Variants in DNAH5 observed in about 807,000 individuals in gnomAD.
The protein encoded by DNAH5 is dynein axonemal heavy chain 5.
Under a neutral mutation model 518.2 loss-of-function variants are expected in DNAH5, and 372 were observed. The ratio of observed to expected loss-of-function variants is 0.72; its 90% CI spans 0.66 to 0.78. The LOEUF (loss-of-function observed/expected upper bound fraction) is 0.78, where lower values mean the gene tolerates loss of function less well. Ranked by LOEUF, DNAH5 falls within the 30% of genes least tolerant of loss-of-function variation. The pLI is 0.00. For synonymous variants in DNAH5, 2,039 were observed against 2,025.9 expected (o/e 1.01, Z -0.17); for missense variants, 5,523 against 5,687.0 (o/e 0.97, Z 0.93).
rs747134638 is a variant in DNAH5 at position 13,719,041 on chromosome 5, C to T, written c.12340G>A (p.Asp4114Asn). The part of the protein sequence containing the change: ...LGLDFMDELM[D>N]IIIETELVHD... ...ACAAGCTCAGTTTCTATGATTATGT[C>T]CATCAGCTCATCCATGAAATCAAGT... The change falls in exon 72 of 79, where the codon GAC (aspartate) becomes AAC (asparagine). Residue 4114 changes from aspartate (D) to asparagine (N), a missense_variant. Physicochemically the swap from Asp to Asn is conservative, Grantham distance 23 (BLOSUM62 1). Transcript: ENST00000265104. 1.5e-5 allele frequency: 24 copies of T among 1,613,928 alleles called. No homozygotes were observed. Among genetic ancestry groups the T allele is most frequent in the Non-Finnish European group, 1.9e-5 (23 of 1,179,996 alleles).
rs772347310 is a variant in DNAH5, at chr5:13,753,219, A to G, written c.10872+14T>C. 2 of 1,605,944 alleles carry G rather than the reference A, an allele frequency of 1.2e-6. No homozygotes were observed. Among genetic ancestry groups the G allele is most frequent in the Non-Finnish European group, 1.7e-6 (2 of 1,172,794 alleles). ...ACTTAACCGGTAGCATAAACATACT[A>G]AAACACAAATTACCTGGAGTTCATT... On this transcript the variant is annotated intron_variant, in intron 63 of 78. Transcript: ENST00000265104.
intron 56 of DNAH5, 79 bp from the exon 57 acceptor site, chr5:13,769,694 A>T: frequency 8.4e-7 from 1 of 1,193,976 alleles, no homozygotes; most frequent in Non-Finnish European, 1.2e-6. Context: ...TCCAATAATG[A>T]GTGGTAATGG....
Position 13,741,262 on chromosome 5 carries a change from G to A in DNAH5, c.11212-3767C>T, listed in dbSNP as rs145585800. Among the ~76,000 whole-genome samples the A allele has an allele frequency of 4.0e-3, 613 of 152,268 alleles. 3 individuals are homozygous for A. Among genetic ancestry groups the A allele is most frequent in the African/African-American group, 0.014 (582 of 41,566 alleles). On this transcript the variant is annotated intron_variant, in intron 65 of 78. Transcript: ENST00000265104. ...ACCACTGATTGAATGGTTATAGTTG[G>A]TAAGACCCCACCAGACTCACAACTC...
intron 42 of DNAH5, among the ~76,000 whole-genome samples, chr5:13,816,836 A>G (rs1761515691): frequency 6.6e-6 from 1 of 152,182 alleles, no homozygotes; most frequent in Non-Finnish European, 1.5e-5. Flanking sequence ...AGGAAGCCCA[A>G]ATATCTCCTC....
At chr5:13,849,131 T>A (rs1351218854) in intron 31 of DNAH5, among the ~76,000 whole-genome samples, 2 of 152,238 alleles carry the variant, frequency 1.3e-5, no homozygotes, top group Non-Finnish European at 2.9e-5. Flanking sequence ...TTTAGACTCT[T>A]CAACTTTCCT....
intron 70 of DNAH5, among the ~76,000 whole-genome samples, chr5:13,725,571 T>C (rs1208002621): frequency 6.6e-6 from 1 of 152,170 alleles, no homozygotes; most frequent in African/African-American, 2.4e-5. Context: ...TTCATCCCAA[T>C]ATGTGGTCCC....
intron 13 of DNAH5, among the ~76,000 whole-genome samples, 199 bp downstream of exon 13, chr5:13,901,854 A>G (rs1561537339): frequency 6.6e-6 from 1 of 152,164 alleles, no homozygotes; most frequent in Non-Finnish European, 1.5e-5. Context: ...AGTATTCTCT[A>G]TTTGTAGAAA....
chr5:13,800,046 G>A (rs1039526933), intron 47 of DNAH5, among the ~76,000 whole-genome samples: 5 of 152,278 alleles, frequency 3.3e-5, no homozygotes, highest in African/African-American at 1.2e-4. Flanking sequence ...CTGGTAGTGT[G>A]CTGAAAAGAT....
chr5:13,824,383 C>G, intron 38 of DNAH5, 50 bp from the exon 39 acceptor site: 2 of 1,569,066 alleles, frequency 1.3e-6, no homozygotes, highest in South Asian at 2.2e-5. Context: ...AAAATACTTG[C>G]AGAAGCCATA....
At chr5:13,735,705 T>C in intron 67 of DNAH5, 113 bp downstream of exon 67, 1 of 922,630 alleles carries the variant, frequency 1.1e-6, no homozygotes, top group East Asian at 2.4e-5. Flanking sequence ...TGATCTGAGA[T>C]TTAAAAAAGA....
At chr5:13,996,004 A>C (rs907434284) in intron 1 of DNAH5, among the ~76,000 whole-genome samples, 4 of 152,194 alleles carry the variant, frequency 2.6e-5, no homozygotes, top group Non-Finnish European at 4.4e-5. Context: ...AAAGGAAGAA[A>C]GGTATGGTGT....
At chr5:13,989,611 G>A (rs1257425782) in intron 1 of DNAH5, among the ~76,000 whole-genome samples, 3 of 151,822 alleles carry the variant, frequency 2.0e-5, no homozygotes, top group Admixed American at 1.3e-4. Flanking sequence ...AGCCTCCGGA[G>A]TAGCTGGGAC....
At chr5:13,989,674 G>A (rs112811194) in intron 1 of DNAH5, among the ~76,000 whole-genome samples, 4,265 of 151,920 alleles carry the variant, frequency 0.028, 117 homozygotes, top group African/African-American at 0.071. Flanking sequence ...TAGTAGAGAC[G>A]GGGTTTCACC....
chr5:13,905,150 T>A (rs1212342406), intron 12 of DNAH5, among the ~76,000 whole-genome samples: 1 of 152,238 alleles, frequency 6.6e-6, no homozygotes, highest in African/African-American at 2.4e-5. Flanking sequence ...ACCAATTGAA[T>A]CAAAATATAT....
chr5:13,783,861 G>C (rs1422849512), intron 52 of DNAH5, among the ~76,000 whole-genome samples: 1 of 152,158 alleles, frequency 6.6e-6, no homozygotes, highest in Non-Finnish European at 1.5e-5. Flanking sequence ...GAAGCGCTGT[G>C]CACAGAAAAT....
chr5:13,854,401 G>C (rs1767313334), intron 30 of DNAH5, among the ~76,000 whole-genome samples: 1 of 152,132 alleles, frequency 6.6e-6, no homozygotes, highest in African/African-American at 2.4e-5. Flanking sequence ...ACCAGAACCA[G>C]CCACTGCAAA....
intron 12 of DNAH5, among the ~76,000 whole-genome samples, chr5:13,905,308 C>T (rs775974056): frequency 4.6e-5 from 7 of 152,126 alleles, no homozygotes; most frequent in African/African-American, 1.7e-4. Context: ...CTGCTCCCAT[C>T]GGTGGATTAA....
intron 1 of DNAH5, among the ~76,000 whole-genome samples, chr5:13,961,995 T>C (rs1189939923): frequency 6.6e-6 from 1 of 152,194 alleles, no homozygotes; most frequent in Non-Finnish European, 1.5e-5. Flanking sequence ...TTTTTGAGGT[T>C]TTCTTTATTA....
chr5:13,871,842 T>A, intron 22 of DNAH5, 77 bp from the exon 23 acceptor site: 1 of 1,255,492 alleles, frequency 8.0e-7, no homozygotes, highest in Non-Finnish European at 1.2e-6. Flanking sequence ...ATTTACCAAC[T>A]GCTGGTGGTT....
Sources: allele counts gnomAD v4.1 joint callset (sites outside exome capture counted in the v4.1 genomes callset), GRCh38; gene constraint gnomAD v4.1.1; transcripts MANE v1.5; gene names NCBI Gene and HGNC (gene_info 2026-07-23, HGNC 2026-07-21).